The following TSHZ2 variants were observed in gnomAD, a reference collection of about 807,000 sequenced individuals.
TSHZ2 encodes teashirt homolog 2.
Under a neutral mutation model 74.4 loss-of-function variants are expected in TSHZ2, and 21 were observed. That is an observed-to-expected ratio of 0.28 (90% CI 0.20 to 0.41). The LOEUF is 0.41. TSHZ2 is among the 10% of genes least tolerant of loss of function. The probability of loss-of-function intolerance (pLI) is 1.00; values close to 1 mark genes in which losing one functional copy is unlikely to be tolerated. For missense variants in TSHZ2, 1,244 were observed against 1,293.5 expected (o/e 0.96, Z 0.59); for synonymous variants, 540 against 515.3 (o/e 1.05, Z -0.65).
chr20:53,001,426 G>C (rs931938928), intron 1 of TSHZ2, among the ~76,000 whole-genome samples: 1 of 152,072 alleles, frequency 6.6e-6, no homozygotes. Flanking sequence ...AAGGAGAAAG[G>C]ATTCATGACC....
At chr20:53,175,000 G>A (rs757918058) in intron 1 of TSHZ2, among the ~76,000 whole-genome samples, 4 of 151,992 alleles carry the variant, frequency 2.6e-5, no homozygotes, top group Non-Finnish European at 4.4e-5. Flanking sequence ...TTTTACAAAT[G>A]TCTTTCTCTC....
intron 2 of TSHZ2, among the ~76,000 whole-genome samples, chr20:53,454,210 T>G (rs1984949583): frequency 6.6e-6 from 1 of 152,124 alleles, no homozygotes; most frequent in Non-Finnish European, 1.5e-5. Context: ...ACAAAACTGC[T>G]TAACTGTCTT....
At chr20:53,465,282 T>A (rs1409006217) in intron 2 of TSHZ2, among the ~76,000 whole-genome samples, 1 of 152,012 alleles carries the variant, frequency 6.6e-6, no homozygotes, top group East Asian at 1.9e-4. Flanking sequence ...TGTGTGTGTG[T>A]GTGTGTGAGA....
chr20:53,028,379 A>G (rs1189549766), intron 1 of TSHZ2, among the ~76,000 whole-genome samples: 1 of 152,204 alleles, frequency 6.6e-6, no homozygotes, highest in Non-Finnish European at 1.5e-5. Context: ...TGTTTCAATT[A>G]AGAGCAACAG....
chr20:53,430,411 A>G lies in TSHZ2; in HGVS notation c.*9-56733A>G, dbSNP rs375338677. Among the ~76,000 whole-genome samples the G allele has an allele frequency of 3.2e-4, 49 of 152,144 alleles. 1 individual carries two copies. In the South Asian group the frequency reaches 0.01, roughly 32 times the overall value. ...TGAGCCACTGCACCCGGCCAAGGAT[A>G]AAGCTTTTTAAAGTTACAGAAATTA... is the stretch of plus-strand genomic sequence containing the variant. On this transcript the variant is annotated intron_variant, in intron 2 of 2. Coordinates refer to ENST00000371497, the MANE Select transcript of TSHZ2 (RefSeq NM_173485.6).
intron 1 of TSHZ2, among the ~76,000 whole-genome samples, chr20:53,160,638 G>A (rs7266084): frequency 0.13 from 18,983 of 150,952 alleles, 3,271 homozygotes; most frequent in African/African-American, 0.39. Flanking sequence ...GCATGGTGGT[G>A]CACACCTAAG....
chr20:53,388,846 G>T (rs1056395884), intron 2 of TSHZ2, among the ~76,000 whole-genome samples: 1 of 152,106 alleles, frequency 6.6e-6, no homozygotes, highest in South Asian at 2.1e-4. Context: ...GCCTCCCAAA[G>T]TGCTGGGATT....
At chr20:53,459,918 A>G (rs1985280450) in intron 2 of TSHZ2, among the ~76,000 whole-genome samples, 1 of 152,198 alleles carries the variant, frequency 6.6e-6, no homozygotes, top group African/African-American at 2.4e-5. Flanking sequence ...GTTTCTGCCG[A>G]GAGATCCACT....
At chr20:53,427,456 A>G (rs1313174501) in intron 2 of TSHZ2, among the ~76,000 whole-genome samples, 1 of 151,796 alleles carries the variant, frequency 6.6e-6, no homozygotes, top group African/African-American at 2.4e-5. Flanking sequence ...TAAACACCAG[A>G]ATCTGTAGGG....
At chr20:53,050,126 C>CATATAT (rs57820338) in intron 1 of TSHZ2, among the ~76,000 whole-genome samples, 1 of 100,992 alleles carries the variant, frequency 9.9e-6, no homozygotes, top group Non-Finnish European at 2.0e-5. Context: ...TATATATATA[C>CATATAT]ACATATATAT....
At chr20:53,394,347 G>A (rs1982365987) in intron 2 of TSHZ2, among the ~76,000 whole-genome samples, 1 of 152,116 alleles carries the variant, frequency 6.6e-6, no homozygotes, top group African/African-American at 2.4e-5. Flanking sequence ...GTGTTTACAT[G>A]TGCTTATCAG....
At chr20:53,238,820 A>T (rs553855869) in intron 1 of TSHZ2, among the ~76,000 whole-genome samples, 1 of 142,604 alleles carries the variant, frequency 7.0e-6, no homozygotes, top group Non-Finnish European at 1.5e-5. Flanking sequence ...AGTCAGTCCC[A>T]AGTCAATCTT....
At position 53,425,388 on chromosome 20, in the gene TSHZ2, G is replaced by C. The variant is rs555050306; in HGVS notation, c.*9-61756G>C. Among the ~76,000 whole-genome samples the C allele has an allele frequency of 5.3e-5, 8 of 152,302 alleles. No individual in the cohort carries two copies. The East Asian group carries it at 1.5e-3, about 29-fold the overall frequency. The stretch of plus-strand genomic sequence containing the variant: ...CTGGACAGCAGAAGAGTCCACAAAA[G>C]CATGAGAGGGTCCAAGGTCCAGCAT... On this transcript the variant is annotated intron_variant, in intron 2 of 2. Transcript: ENST00000371497.
chr20:53,211,166 G>C (rs1437552659), intron 1 of TSHZ2, among the ~76,000 whole-genome samples: 1 of 152,152 alleles, frequency 6.6e-6, no homozygotes, highest in Non-Finnish European at 1.5e-5. Flanking sequence ...AACCCTGTGA[G>C]GTAGGGATTA....
chr20:53,021,438 T>C (rs1312549594), intron 1 of TSHZ2, among the ~76,000 whole-genome samples: 1 of 152,200 alleles, frequency 6.6e-6, no homozygotes, highest in Non-Finnish European at 1.5e-5. Context: ...AAATGGAAGT[T>C]GGAACTCCGC....
At chr20:52,998,820 A>G (rs1023845201) in intron 1 of TSHZ2, among the ~76,000 whole-genome samples, 1 of 152,212 alleles carries the variant, frequency 6.6e-6, no homozygotes, top group East Asian at 1.9e-4. Context: ...CTCTCAGGAC[A>G]TATAATTAGG....
chr20:53,468,016 A>G (rs931955430), intron 2 of TSHZ2, among the ~76,000 whole-genome samples: 1 of 152,230 alleles, frequency 6.6e-6, no homozygotes, highest in Admixed American at 6.5e-5. Context: ...TAAAAGAAAA[A>G]AAAATAACAC....
intron 1 of TSHZ2, among the ~76,000 whole-genome samples, chr20:52,988,677 AC>A (rs1428663020): frequency 1.3e-5 from 2 of 152,144 alleles, no homozygotes; most frequent in Admixed American, 6.5e-5. Context: ...AAGAATAAAG[AC>A]TTTTGAAATC....
At chr20:53,325,927 A>G (rs1979475243) in intron 2 of TSHZ2, among the ~76,000 whole-genome samples, 1 of 152,076 alleles carries the variant, frequency 6.6e-6, no homozygotes, top group Non-Finnish European at 1.5e-5. Context: ...GATTACAGGC[A>G]TCTGCCACCA....
Sources: allele counts gnomAD v4.1 joint callset (sites outside exome capture counted in the v4.1 genomes callset), GRCh38; gene constraint gnomAD v4.1.1; transcripts MANE v1.5; gene names NCBI Gene and HGNC (gene_info 2026-07-23, HGNC 2026-07-21).